Variants in MTHFD2L observed in about 807,000 individuals in gnomAD.
MTHFD2L encodes methylenetetrahydrofolate dehydrogenase (NADP+ dependent) 2 like, also known as bifunctional methylenetetrahydrofolate dehydrogenase/cyclohydrolase 2, mitochondrial.
In MTHFD2L, 29 loss-of-function variants were observed where a neutral mutation model predicts 34.9. The observed-to-expected ratio is 0.83, with a 90% CI of 0.62 to 1.13. The LOEUF (loss-of-function observed/expected upper bound fraction) is 1.13. MTHFD2L is among the 50% of genes most tolerant of loss of function. The pLI, the probability that MTHFD2L is intolerant of heterozygous loss-of-function variation, is 0.00. For missense variants in MTHFD2L, 481 were observed against 446.5 expected (o/e 1.08, Z -0.70); for synonymous variants, 167 against 155.7 (o/e 1.07, Z -0.54).
chr4:74,273,251 C>T (rs966134600), intron 6 of MTHFD2L, among the ~76,000 whole-genome samples: 5 of 151,942 alleles, frequency 3.3e-5, no homozygotes, highest in Non-Finnish European at 5.9e-5. Context: ...CTGACAGGGG[C>T]TTAACTTTAT....
intron 1 of MTHFD2L, among the ~76,000 whole-genome samples, chr4:74,144,581 T>A (rs1723473471): frequency 6.6e-6 from 1 of 152,234 alleles, no homozygotes. Context: ...TGGCATTCAT[T>A]GAGATTCTTA....
At chr4:74,171,965 G>A (rs1728103510) in intron 1 of MTHFD2L, among the ~76,000 whole-genome samples, 1 of 152,072 alleles carries the variant, frequency 6.6e-6, no homozygotes, top group Admixed American at 6.6e-5. Flanking sequence ...TCCATACAAT[G>A]TAATACTACT....
At chr4:74,248,849 T>C (rs2110192767) in intron 6 of MTHFD2L, among the ~76,000 whole-genome samples, 1 of 151,740 alleles carries the variant, frequency 6.6e-6, no homozygotes, top group East Asian at 1.9e-4. Context: ...TGAGAGACAG[T>C]TTGTTATAAT....
intron 7 of MTHFD2L, among the ~76,000 whole-genome samples, chr4:74,290,736 G>A (rs1403566602): frequency 1.3e-5 from 2 of 151,758 alleles, no homozygotes; most frequent in African/African-American, 2.4e-5. Flanking sequence ...ACAACTTCAC[G>A]CTTCAGTTAC....
At chr4:74,296,484 C>T (rs1473970094) in intron 7 of MTHFD2L, among the ~76,000 whole-genome samples, 1 of 152,030 alleles carries the variant, frequency 6.6e-6, no homozygotes, top group East Asian at 1.9e-4. Context: ...GTGTGCCTTC[C>T]TTTGGTCAAT....
chr4:74,253,978 G>GTCT (rs1743659674), intron 6 of MTHFD2L, among the ~76,000 whole-genome samples: 1 of 152,160 alleles, frequency 6.6e-6, no homozygotes, highest in Non-Finnish European at 1.5e-5. Context: ...GACTTCCTCA[G>GTCT]TGGACCCCAG....
chr4:74,261,861 C>T (rs1016925538), intron 6 of MTHFD2L, among the ~76,000 whole-genome samples: 2 of 151,888 alleles, frequency 1.3e-5, no homozygotes, highest in African/African-American at 4.8e-5. Context: ...TCCTTACCTC[C>T]GAAGTAGGGA....
At chr4:74,201,082 A>G (rs1734339486) in intron 4 of MTHFD2L, among the ~76,000 whole-genome samples, 181 bp from the exon 5 acceptor site, 1 of 152,206 alleles carries the variant, frequency 6.6e-6, no homozygotes. Flanking sequence ...AAGAAGTGAC[A>G]AATCAAAGAA....
At chr4:74,245,155 A>G (rs1742244439) in intron 6 of MTHFD2L, among the ~76,000 whole-genome samples, 1 of 135,446 alleles carries the variant, frequency 7.4e-6, no homozygotes, top group Non-Finnish European at 1.5e-5. Context: ...AGATCGCGCC[A>G]CTGCACTTTA....
chr4:74,180,682 T>A (rs373234887), intron 3 of MTHFD2L: 1 of 454,692 alleles, frequency 2.2e-6, no homozygotes. Flanking sequence ...CTTGTTTATG[T>A]TCAGAAGCTG....
chr4:74,166,573 T>C (rs1027116499), intron 1 of MTHFD2L, among the ~76,000 whole-genome samples: 30 of 152,200 alleles, frequency 2.0e-4, no homozygotes, highest in African/African-American at 7.0e-4. Flanking sequence ...TCCCATTTGG[T>C]CTGTTTGTTG....
At chr4:74,268,379 C>A (rs1006356760) in intron 6 of MTHFD2L, 1 of 448,014 alleles carries the variant, frequency 2.2e-6, no homozygotes, top group Non-Finnish European at 2.9e-6. Context: ...CCTGAGTAAG[C>A]ATTTCCATGG....
intron 3 of MTHFD2L, among the ~76,000 whole-genome samples, chr4:74,185,382 G>A (rs139624964): frequency 6.6e-6 from 1 of 151,774 alleles, no homozygotes; most frequent in African/African-American, 2.4e-5. Context: ...AGAAAAAAAG[G>A]TCAGAAATCA....
At chr4:74,146,056 T>C (rs1020645409) in intron 1 of MTHFD2L, among the ~76,000 whole-genome samples, 4 of 152,138 alleles carry the variant, frequency 2.6e-5, no homozygotes, top group Admixed American at 2.6e-4. Flanking sequence ...AAGACACATA[T>C]TTCATAGAAC....
At chr4:74,139,037 C>T (rs1723128737) in intron 1 of MTHFD2L, among the ~76,000 whole-genome samples, 1 of 152,198 alleles carries the variant, frequency 6.6e-6, no homozygotes, top group Non-Finnish European at 1.5e-5. Context: ...ATTAGGAATT[C>T]TTAGTTGGCC....
intron 7 of MTHFD2L, among the ~76,000 whole-genome samples, chr4:74,282,702 A>C (rs919634603): frequency 1.3e-5 from 2 of 152,122 alleles, no homozygotes; most frequent in Non-Finnish European, 2.9e-5. Flanking sequence ...AAATGGTGTA[A>C]ATAAGAGCAA....
chr4:74,129,881 C>A (rs1450024400), intron 1 of MTHFD2L, among the ~76,000 whole-genome samples: 1 of 151,930 alleles, frequency 6.6e-6, no homozygotes, highest in Non-Finnish European at 1.5e-5. Flanking sequence ...CAAATAGACA[C>A]AATAAAAAAT....
intron 1 of MTHFD2L, among the ~76,000 whole-genome samples, chr4:74,149,831 G>T (rs1342730566): frequency 6.6e-6 from 1 of 152,078 alleles, no homozygotes; most frequent in Non-Finnish European, 1.5e-5. Flanking sequence ...TATATCCTAG[G>T]TTTCAAAACT....
chr4:74,240,192 C>T (rs1054805787), intron 6 of MTHFD2L, among the ~76,000 whole-genome samples: 6 of 152,116 alleles, frequency 3.9e-5, no homozygotes, highest in African/African-American at 1.4e-4. Flanking sequence ...GGAAAGAACT[C>T]GGGAAATGGC....
Sources: gnomAD v4.1 joint callset for allele counts (sites outside exome capture counted in the v4.1 genomes callset) on GRCh38, gnomAD v4.1.1 for gene constraint, MANE v1.5 for transcripts, NCBI Gene and HGNC (gene_info 2026-07-23, HGNC 2026-07-21) for gene names.